Variants in SLC1A1 observed in about 807,000 individuals in gnomAD.
SLC1A1 encodes the protein excitatory amino acid transporter 3.
Under a neutral mutation model 53.3 loss-of-function variants are expected in SLC1A1, and 43 were observed. That is an observed-to-expected ratio of 0.81 (90% CI 0.63 to 1.04). The LOEUF is 1.04. Among genes scored for constraint, SLC1A1 ranks in the 50% least tolerant of loss-of-function variants. SLC1A1 has a pLI of 0.00. For synonymous variants in SLC1A1, 307 were observed against 243.2 expected, an observed-to-expected ratio of 1.26 and a Z score of -2.44; for missense variants, 748 against 664.9, an observed-to-expected ratio of 1.12 and a Z score of -1.37.
chr9:4,563,835 T>A (rs1219690499), intron 3 of SLC1A1, among the ~76,000 whole-genome samples: 1 of 152,148 alleles, frequency 6.6e-6, no homozygotes, highest in East Asian at 1.9e-4. Flanking sequence ...TTTTCCTACA[T>A]GACTGCTTTC....
rs759538965 is a variant in SLC1A1, at chr9:4,556,510, G to C, written c.233-4939G>C. ...TTCTGATAGTGAACTGTAAAGAGAG[G>C]GGGTCCTTCAGACCTCGCCAGCCAC... On this transcript the variant is annotated intron_variant, in intron 2 of 11. Coordinates refer to ENST00000262352, the MANE Select transcript of SLC1A1 (RefSeq NM_004170.6). The surrounding 1 kb of genome is among the most constrained non-coding windows in gnomAD (Gnocchi z 4.1). Among the ~76,000 whole-genome samples the C allele has an allele frequency of 6.6e-6, 1 of 152,136 alleles. No individual in the cohort carries two copies. The highest frequency in any genetic ancestry group is 2.4e-5 in the African/African-American group (1 of 41,426).
intron 1 of SLC1A1, among the ~76,000 whole-genome samples, chr9:4,527,258 C>A (rs1343384560): frequency 6.6e-6 from 1 of 152,166 alleles, no homozygotes; most frequent in Non-Finnish European, 1.5e-5. Context: ...TAATTGACAC[C>A]TTACTGAAGC....
chr9:4,495,002 G>A (rs1390658848), intron 1 of SLC1A1, among the ~76,000 whole-genome samples: 1 of 152,166 alleles, frequency 6.6e-6, no homozygotes, highest in Non-Finnish European at 1.5e-5. Context: ...TCTTTGGAGC[G>A]CTAAGGAAGC....
Position 4,503,410 on chromosome 9 carries a change from T to G in SLC1A1, c.91+12640T>G, listed in dbSNP as rs781337918. ...AGAAGCAGAGTCAAAGTCTGTATTT[T>G]GTCCTCTCAGTCCATTGGTGGCAAT... is the stretch of plus-strand genomic sequence containing the variant. On this transcript the variant is annotated intron_variant, in intron 1 of 11. Coordinates refer to ENST00000262352, the MANE Select transcript of SLC1A1 (RefSeq NM_004170.6). Among the ~76,000 whole-genome samples the G allele has an allele frequency of 9.2e-5, 14 of 151,888 alleles. 1 individual carries two copies. The highest frequency in any genetic ancestry group is 2.9e-4 in the African/African-American group (12 of 41,136).
chr9:4,562,691 G>C (rs1819071589), intron 3 of SLC1A1, among the ~76,000 whole-genome samples: 1 of 152,066 alleles, frequency 6.6e-6, no homozygotes, highest in African/African-American at 2.4e-5. Context: ...TCTTGCAATA[G>C]TTTACTGAGA....
rs1022137196 is a variant in SLC1A1, at chr9:4,561,583, G to C, written c.325+42G>C. ...AATCCTTACTACTTTATGTAATGGT[G>C]ATTTTTTCATTCGAAAAGTAGTTGG... is the stretch of plus-strand genomic sequence containing the variant. On this transcript the variant is annotated intron_variant, in intron 3 of 11. Coordinates refer to ENST00000262352, the MANE Select transcript of SLC1A1 (RefSeq NM_004170.6). 4.1e-6 allele frequency: 5 copies of C among 1,227,324 alleles called. No individual in the cohort carries two copies. The African/African-American group carries it at 5.9e-5, about 15-fold the overall frequency. 76.0% of individuals were successfully genotyped at this position (1,227,324 alleles called of 1,614,324 possible).
chr9:4,530,749 A>G (rs1311331661), intron 1 of SLC1A1, among the ~76,000 whole-genome samples: 1 of 152,122 alleles, frequency 6.6e-6, no homozygotes, highest in Admixed American at 6.5e-5. Flanking sequence ...TCCCCTTCAA[A>G]TCCTCTAGCA....
intron 1 of SLC1A1, among the ~76,000 whole-genome samples, chr9:4,498,815 T>C (rs1457218319): frequency 2.0e-5 from 3 of 150,060 alleles, no homozygotes; most frequent in Admixed American, 6.7e-5. Context: ...AAAATATATA[T>C]ATATGTGTGT....
intron 8 of SLC1A1, among the ~76,000 whole-genome samples, chr9:4,574,534 G>C (rs551513383): frequency 2.6e-5 from 4 of 152,112 alleles, no homozygotes; most frequent in African/African-American, 9.7e-5. Flanking sequence ...GGTGCCAGGA[G>C]AATCTTGAGG....
intron 1 of SLC1A1, among the ~76,000 whole-genome samples, chr9:4,537,922 A>C (rs1816739420): frequency 6.6e-6 from 1 of 151,262 alleles, no homozygotes; most frequent in African/African-American, 2.5e-5. Context: ...TGTTATATGA[A>C]TTTGATCTCA....
chr9:4,526,617 CAT>C (rs1816269670), intron 1 of SLC1A1, among the ~76,000 whole-genome samples: 1 of 152,110 alleles, frequency 6.6e-6, no homozygotes, highest in Admixed American at 6.5e-5. Context: ...TGGATGTATA[CAT>C]GTTTATGTAT....
intron 1 of SLC1A1, among the ~76,000 whole-genome samples, chr9:4,513,888 A>C (rs1821074901): frequency 6.6e-6 from 1 of 152,226 alleles, no homozygotes; most frequent in African/African-American, 2.4e-5. Context: ...TGATACGTAC[A>C]AAACTCAGAT....
chr9:4,564,962 A>C (rs935928097), intron 4 of SLC1A1, among the ~76,000 whole-genome samples: 4 of 152,222 alleles, frequency 2.6e-5, no homozygotes, highest in Middle Eastern at 3.2e-3. Context: ...TCTTTTCTTC[A>C]AGTTTGTTAG....
At chr9:4,522,650 A>G (rs1187850109) in intron 1 of SLC1A1, among the ~76,000 whole-genome samples, 1 of 152,192 alleles carries the variant, frequency 6.6e-6, no homozygotes, top group Non-Finnish European at 1.5e-5. Flanking sequence ...GGGAGGCCTC[A>G]GGAAACTTAC....
At chr9:4,529,718 T>C (rs1816396083) in intron 1 of SLC1A1, among the ~76,000 whole-genome samples, 1 of 152,074 alleles carries the variant, frequency 6.6e-6, no homozygotes, top group East Asian at 1.9e-4. Context: ...GTTGTAGAGA[T>C]GGTGTCTCAT....
intron 1 of SLC1A1, among the ~76,000 whole-genome samples, chr9:4,544,352 G>A (rs1428756094): frequency 6.6e-6 from 1 of 152,148 alleles, no homozygotes; most frequent in African/African-American, 2.4e-5. Context: ...TTCATGTATA[G>A]AATACTTTTT....
intron 1 of SLC1A1, among the ~76,000 whole-genome samples, chr9:4,505,049 T>TTTC (rs1447877326): frequency 7.9e-5 from 11 of 138,794 alleles, no homozygotes; most frequent in African/African-American, 3.3e-4. Flanking sequence ...ATATTTCTTT[T>TTTC]TTTTTTTTTT....
chr9:4,575,498 G>A (rs1234586122), intron 8 of SLC1A1, among the ~76,000 whole-genome samples: 1 of 152,194 alleles, frequency 6.6e-6, no homozygotes, highest in Non-Finnish European at 1.5e-5. Context: ...TGCAGGGAAT[G>A]GAGTGGGTGA....
intron 1 of SLC1A1, among the ~76,000 whole-genome samples, chr9:4,533,026 C>G (rs1816534581): frequency 6.6e-6 from 1 of 152,114 alleles, no homozygotes. Context: ...GAGATTTTGT[C>G]ACCACTAGGC....
Sources: gnomAD v4.1 joint callset for allele counts (sites outside exome capture counted in the v4.1 genomes callset) on GRCh38, gnomAD v4.1.1 for gene constraint, Gnocchi (gnomAD v3.1) non-coding constraint, MANE v1.5 for transcripts, NCBI Gene and HGNC (gene_info 2026-07-23, HGNC 2026-07-21) for gene names.